GRIN2A: variants seen among roughly 807,000 people sequenced by gnomAD.
GRIN2A encodes the protein glutamate ionotropic receptor NMDA type subunit 2A.
GRIN2A carries 22 observed loss-of-function variants against 113.4 expected under a neutral mutation model. The ratio of observed to expected loss-of-function variants is 0.19; its 90% CI spans 0.14 to 0.28. The LOEUF (loss-of-function observed/expected upper bound fraction) is 0.28. GRIN2A is among the 10% of genes least tolerant of loss of function. The pLI is 1.00. For synonymous variants in GRIN2A, 827 were observed against 738.4 expected (o/e 1.12, Z -1.94); for missense variants, 1,502 against 1,887.0 (o/e 0.80, Z 3.78).
intron 2 of GRIN2A, among the ~76,000 whole-genome samples, chr16:10,066,955 C>G (rs1448260): frequency 0.71 from 107,927 of 152,130 alleles, 38,989 homozygotes; most frequent in East Asian, 0.96. Flanking sequence ...CGTTCAAAAA[C>G]AAAGGACATT....
Position 9,758,285 on chromosome 16 carries a change from A to G in GRIN2A, c.*4864T>C. The stretch of plus-strand genomic sequence containing the variant: ...GAAATCTATGCCCTTTGATGTGTTT[A>G]AGGAAATCACACACAAGTCCATATC... On this transcript the variant is annotated 3_prime_UTR_variant, in exon 13 of 13. Coordinates refer to ENST00000330684, the MANE Select transcript of GRIN2A (RefSeq NM_001134407.3). The G allele has an allele frequency of 4.5e-6, 1 of 223,956 alleles. No homozygotes were observed. Among genetic ancestry groups the G allele is most frequent in the Non-Finnish European group, 8.9e-6 (1 of 112,096 alleles). The allele number at this position is 223,956 out of a possible 1,614,324, so 13.9% of individuals were successfully genotyped here. A position where few individuals can be genotyped will look rare whatever the true frequency, so the allele number is the denominator to read the frequency against.
chr16:9,915,862 G>A (rs1381227384), intron 3 of GRIN2A, among the ~76,000 whole-genome samples: 1 of 152,194 alleles, frequency 6.6e-6, no homozygotes. Context: ...GTGAGAATTA[G>A]ATTGATTAAT....
At chr16:10,131,043 T>C (rs2049051120) in intron 2 of GRIN2A, among the ~76,000 whole-genome samples, 1 of 152,214 alleles carries the variant, frequency 6.6e-6, no homozygotes, top group Non-Finnish European at 1.5e-5. Context: ...CAGTCGGGAC[T>C]TTTGTTAGAA....
intron 5 of GRIN2A, among the ~76,000 whole-genome samples, chr16:9,849,411 G>A (rs1399227724): frequency 6.6e-6 from 1 of 151,878 alleles, no homozygotes; most frequent in Non-Finnish European, 1.5e-5. Flanking sequence ...TTAAAAACAT[G>A]TCTGTGGAGT....
chr16:9,976,694 C>T (rs939012738), intron 2 of GRIN2A, among the ~76,000 whole-genome samples: 1 of 152,188 alleles, frequency 6.6e-6, no homozygotes, highest in African/African-American at 2.4e-5. Context: ...AAAGCCGGCA[C>T]TCTAATTCCA....
intron 2 of GRIN2A, among the ~76,000 whole-genome samples, chr16:10,144,398 C>T (rs1203074870): frequency 6.6e-6 from 1 of 152,138 alleles, no homozygotes; most frequent in Non-Finnish European, 1.5e-5. Context: ...TGTGTTGCAT[C>T]TCCCTGATGA....
At chr16:10,049,764 A>G (rs752481533) in intron 2 of GRIN2A, among the ~76,000 whole-genome samples, 10 of 152,140 alleles carry the variant, frequency 6.6e-5, no homozygotes, top group Non-Finnish European at 1.5e-4. Context: ...TATATAATGA[A>G]TTGTTTGTCT....
At chr16:10,108,725 C>T (rs551241012) in intron 2 of GRIN2A, among the ~76,000 whole-genome samples, 2 of 152,136 alleles carry the variant, frequency 1.3e-5, no homozygotes, top group Admixed American at 6.5e-5. Context: ...ACTTGGAAAC[C>T]ACCATATATG....
intron 2 of GRIN2A, among the ~76,000 whole-genome samples, chr16:10,017,157 T>A (rs1369400355): frequency 6.6e-6 from 1 of 152,170 alleles, no homozygotes; most frequent in Non-Finnish European, 1.5e-5. Context: ...AAGCCCCTCA[T>A]CTTCTGACCA....
intron 2 of GRIN2A, among the ~76,000 whole-genome samples, chr16:10,125,156 T>C (rs975285130): frequency 1.3e-5 from 2 of 152,168 alleles, no homozygotes; most frequent in African/African-American, 4.8e-5. Context: ...AAACCATAAA[T>C]TTCACACTGC....
At chr16:9,903,867 T>C (rs1355959929) in intron 3 of GRIN2A, among the ~76,000 whole-genome samples, 1 of 152,216 alleles carries the variant, frequency 6.6e-6, no homozygotes, top group Non-Finnish European at 1.5e-5. Flanking sequence ...ACACAAATGT[T>C]TGATGAAGCT....
chr16:9,811,672 T>A (rs1325071653), intron 10 of GRIN2A, among the ~76,000 whole-genome samples: 2 of 152,164 alleles, frequency 1.3e-5, no homozygotes, highest in East Asian at 1.9e-4. Context: ...GGCACGAGAA[T>A]CACTTGAACC....
At chr16:9,813,533 TC>T (rs1206350499) in intron 10 of GRIN2A, among the ~76,000 whole-genome samples, 1 of 150,930 alleles carries the variant, frequency 6.6e-6, no homozygotes, top group Non-Finnish European at 1.5e-5. Context: ...TTTTTTTTTT[TC>T]CGTCTCTGAG....
At chr16:9,767,491 T>C (rs1900991200) in intron 12 of GRIN2A, among the ~76,000 whole-genome samples, 1 of 151,748 alleles carries the variant, frequency 6.6e-6, no homozygotes, top group Non-Finnish European at 1.5e-5. Flanking sequence ...GCTGTGTTGG[T>C]TTGCTGCAAT....
intron 2 of GRIN2A, among the ~76,000 whole-genome samples, chr16:10,177,438 T>A (rs1443131103): frequency 2.0e-5 from 3 of 152,180 alleles, no homozygotes; most frequent in Admixed American, 6.5e-5. Context: ...GAGTGGCCAA[T>A]GTCTCCAAGA....
rs1006393538 is a variant in GRIN2A, at chr16:9,757,167, G to T, written c.*5982C>A. On this transcript the variant is annotated 3_prime_UTR_variant, in exon 13 of 13. Transcript: ENST00000330684. ...CAAGGCTGGGAGGAGGCATGATTTG[G>T]CAAGGACTGGAGAACTGGTTGGAAC... The T allele has an allele frequency of 9.2e-6, 2 of 218,316 alleles. No individual in the cohort carries two copies. The highest frequency in any genetic ancestry group is 9.2e-6 in the Non-Finnish European group (1 of 108,662). The allele number at this position is 218,316 out of a possible 1,614,324, so 13.5% of individuals were successfully genotyped here. A position where few individuals can be genotyped will look rare whatever the true frequency, so the allele number is the denominator to read the frequency against.
In GRIN2A at chr16:10,180,125, T is replaced by C. The variant is rs2142388900; in HGVS notation, c.287A>G (p.His96Arg). 1 of 1,614,190 alleles carries C rather than the reference T, an allele frequency of 6.2e-7. No individual in the cohort carries two copies. The change falls in exon 2 of 13, where the codon CAC (histidine) becomes CGC (arginine). Residue 96 changes from histidine to arginine, a missense_variant. By Grantham distance (29) the His-to-Arg change is conservative. Around this residue, in one of 7 missense-constraint regions of GRIN2A, gnomAD observed 149 missense variants for 179.1 expected, o/e 0.83. Coordinates refer to ENST00000330684, the MANE Select transcript of GRIN2A (RefSeq NM_001134407.3). The surrounding 1 kb of genome is among the most constrained non-coding windows in gnomAD (Gnocchi z 7.0). ...CGTGTCGTCCCCAAACACGAGGCCG[T>C]GGATGCGTGCCCCGGACATGAGGTC... The part of the protein sequence containing the change: ...VCDLMSGARI[H>R]GLVFGDDTDQ...
intron 3 of GRIN2A, among the ~76,000 whole-genome samples, chr16:9,910,377 CACA>C (rs982576372): frequency 5.9e-5 from 9 of 151,506 alleles, no homozygotes; most frequent in African/African-American, 2.2e-4. Context: ...TGTATTTTTC[CACA>C]ACAAAGAATC....
At position 9,924,097 on chromosome 16, in the gene GRIN2A, T is replaced by G. The variant is rs1374267655; in HGVS notation, c.1007+13862A>C. Among the ~76,000 whole-genome samples the G allele has an allele frequency of 7.3e-5, 9 of 122,688 alleles. No individual in the cohort carries two copies. The Admixed American group carries it at 8.1e-4, about 11-fold the overall frequency. 80.5% of individuals were successfully genotyped at this position (122,688 alleles called of 152,430 possible). ...CTGCACTCCAGCCTGGGCAGCAGAG[T>G]GAGACTTGGTCTCAAAAAAAAAAAA... On this transcript the variant is annotated intron_variant, in intron 3 of 12. Transcript: ENST00000330684.
Sources: allele counts gnomAD v4.1 joint callset (sites outside exome capture counted in the v4.1 genomes callset), GRCh38; gene constraint gnomAD v4.1.1; regional missense constraint gnomAD v4.1.1; non-coding constraint Gnocchi (gnomAD v3.1); transcripts MANE v1.5; gene names NCBI Gene and HGNC (gene_info 2026-07-23, HGNC 2026-07-21).